Variants in PRRG2 observed in about 807,000 individuals in gnomAD.
PRRG2 encodes the protein proline rich and Gla domain 2, also known as transmembrane gamma-carboxyglutamic acid protein 2.
Under a neutral mutation model 27.1 loss-of-function variants are expected in PRRG2, and 23 were observed. The ratio of observed to expected loss-of-function variants is 0.85; its 90% CI spans 0.61 to 1.20. The LOEUF (loss-of-function observed/expected upper bound fraction) is 1.20, where lower values mean the gene tolerates loss of function less well. PRRG2 is among the 50% of genes most tolerant of loss of function. The pLI, the probability that PRRG2 is intolerant of heterozygous loss-of-function variation, is 0.00. For missense variants in PRRG2, 276 were observed against 254.8 expected (o/e 1.08, Z -0.57); for synonymous variants, 104 against 103.4 (o/e 1.01, Z -0.03).
chr19:49,588,806 G>T (rs2080692034), intron 5 of PRRG2, among the ~76,000 whole-genome samples, 174 bp downstream of exon 5: 1 of 152,196 alleles, frequency 6.6e-6, no homozygotes, highest in Non-Finnish European at 1.5e-5. Context: ...TTTGGCGACT[G>T]TCGCTCTGTC....
At chr19:49,586,893 T>C (rs2080674541) in intron 4 of PRRG2, among the ~76,000 whole-genome samples, 1 of 152,182 alleles carries the variant, frequency 6.6e-6, no homozygotes, top group South Asian at 2.1e-4. Context: ...GGCTCAGTGA[T>C]GGCTCATGCC....
Position 49,583,294 on chromosome 19 carries a change from G to A in PRRG2, c.75G>A (p.Glu25=). The A allele has an allele frequency of 6.2e-7, 1 of 1,614,108 alleles. No individual in the cohort carries two copies. Among genetic ancestry groups the A allele is most frequent in the East Asian group, 2.2e-5 (1 of 44,888 alleles). Residue 25 remains glutamate, a synonymous_variant, in exon 2 of 7, where the codon GAG becomes GAA. Coordinates refer to ENST00000246794, the MANE Select transcript of PRRG2 (RefSeq NM_000951.3). ...TTCLDTSPSE[E]TDQEVFLGPP... is the part of the protein sequence containing the mutation. ...GCCTGGATACTTCACCCAGTGAGGAGACAGACCAAGGTGAGTGTTTGGGGG... is the reference window on the plus strand; with the variant it reads ...GCCTGGATACTTCACCCAGTGAGGAAACAGACCAAGGTGAGTGTTTGGGGG...
chr19:49,581,239 C>G (rs1182055885), upstream of PRRG2: 1 of 152,164 alleles, frequency 6.6e-6, no homozygotes, highest in Non-Finnish European at 1.5e-5. Context: ...GGAGCTCTGG[C>G]CTTTAAGTCC....
rs763555009 is a variant in PRRG2 at position 49,590,042 on chromosome 19, C to T, written c.580C>T (p.Pro194Ser). The T allele has an allele frequency of 1.0e-4, 159 of 1,521,852 alleles. 2 individuals carry two copies. Among genetic ancestry groups the T allele is most frequent in the Admixed American group, 7.2e-4 (36 of 49,750 alleles). The allele number at this position is 1,521,852 out of a possible 1,614,324, so 94.3% of individuals were successfully genotyped here. The change falls in exon 6 of 7, where the codon CCC becomes TCC. Residue 194 changes from proline to serine, a missense_variant. Pro to Ser is a moderately conservative substitution (Grantham distance 74, BLOSUM62 -1). Coordinates refer to ENST00000246794, the MANE Select transcript of PRRG2 (RefSeq NM_000951.3). ...ASGVHDAPPP[P>S]YTSLRRPH ...TGGGGTACACGACGCACCTCCACCC[C>T]CCTACACCAGGTATGGGGCGTGGCT...
At chr19:49,580,883 T>C (rs2080617243), upstream of PRRG2, among the ~76,000 whole-genome samples, 1 of 152,160 alleles carries the variant, frequency 6.6e-6, no homozygotes, top group Non-Finnish European at 1.5e-5. Flanking sequence ...GAAGCCCACT[T>C]TCCCAAATAT....
chr19:49,590,782 G>C lies in PRRG2; in HGVS notation c.*393G>C, dbSNP rs983172331. On this transcript the variant is annotated 3_prime_UTR_variant, in exon 7 of 7. Transcript: ENST00000246794. ...ACAGGGTACGCACACGCAGAGCCCC[G>C]CCTGTGCACACGCGTGTCTTCGTGC... 5.6e-5 allele frequency: 16 copies of C among 287,506 alleles called. 1 individual carries two copies. The highest frequency in any genetic ancestry group is 1.1e-4 in the South Asian group (3 of 27,374). The allele number at this position is 287,506 out of a possible 1,614,324, so 17.8% of individuals were successfully genotyped here.
At chr19:49,585,285 C>T (rs939679755) in intron 4 of PRRG2, among the ~76,000 whole-genome samples, 2 of 152,330 alleles carry the variant, frequency 1.3e-5, no homozygotes, top group South Asian at 2.1e-4. Flanking sequence ...GCCCCACCCC[C>T]TTGTGGCCCG....
intron 3 of PRRG2, 64 bp from the exon 4 acceptor site, chr19:49,583,849 G>T (rs2080648043): frequency 6.2e-7 from 1 of 1,604,432 alleles, no homozygotes; most frequent in African/African-American, 1.3e-5. Flanking sequence ...GCTAGTTTGG[G>T]GGTGTGAACC....
Position 49,583,656 on chromosome 19 carries a change from G to A in PRRG2, c.200G>A (p.Cys67Tyr), listed in dbSNP as rs2080646079. ...ACACCAGGGAACCTGGAACGGGAGTGTCTGGAAGAGAGGTGTTCCTGGGAA... is the reference window on the plus strand; with the variant it reads ...ACACCAGGGAACCTGGAACGGGAGTATCTGGAAGAGAGGTGTTCCTGGGAA... ...LLTPGNLERE[C>Y]LEERCSWEEA... Residue 67 changes from cysteine (C) to tyrosine (Y), a missense_variant, in exon 3 of 7, where the codon TGT (cysteine) becomes TAT (tyrosine). Cys to Tyr is a radical substitution (Grantham distance 194). Coordinates refer to ENST00000246794, the MANE Select transcript of PRRG2 (RefSeq NM_000951.3). The A allele has an allele frequency of 6.2e-6, 10 of 1,614,208 alleles. No individual in the cohort carries two copies. Among genetic ancestry groups the A allele is most frequent in the Non-Finnish European group, 8.5e-6 (10 of 1,180,036 alleles).
intron 4 of PRRG2, among the ~76,000 whole-genome samples, chr19:49,585,972 G>A (rs2080665790): frequency 6.6e-6 from 1 of 150,558 alleles, no homozygotes; most frequent in Admixed American, 6.6e-5. Flanking sequence ...CCCAGCTATT[G>A]GGGAGGCTGA....
intron 4 of PRRG2, among the ~76,000 whole-genome samples, chr19:49,586,092 A>C (rs1239938574): frequency 1.8e-4 from 27 of 151,254 alleles, no homozygotes; most frequent in African/African-American, 4.9e-4. Context: ...AAAAAAAAAA[A>C]AAAAACAAGG....
chr19:49,586,521 A>C (rs2080671167), intron 4 of PRRG2, among the ~76,000 whole-genome samples: 1 of 151,052 alleles, frequency 6.6e-6, no homozygotes. Context: ...AGTAGCTGGG[A>C]CTACAGGTAC....
intron 1 of PRRG2, among the ~76,000 whole-genome samples, chr19:49,582,760 C>T (rs929491600): frequency 6.6e-6 from 1 of 151,558 alleles, no homozygotes; most frequent in East Asian, 2.0e-4. Context: ...CCCAGCTACT[C>T]GGGAGGCTGA....
At chr19:49,585,180 T>C (rs1423257753) in intron 4 of PRRG2, among the ~76,000 whole-genome samples, 1 of 152,164 alleles carries the variant, frequency 6.6e-6, no homozygotes, top group Non-Finnish European at 1.5e-5. Flanking sequence ...GCTGCCTGGT[T>C]GCTAAGGAGG....
At chr19:49,589,123 CTTT>C (rs778928178) in intron 5 of PRRG2, among the ~76,000 whole-genome samples, 12 of 106,060 alleles carry the variant, frequency 1.1e-4, no homozygotes, top group South Asian at 3.4e-4. Flanking sequence ...ACAGGGCTGT[CTTT>C]TTTTTTTTTT....
chr19:49,586,162 G>A (rs1245620958), intron 4 of PRRG2, among the ~76,000 whole-genome samples: 3 of 150,912 alleles, frequency 2.0e-5, no homozygotes, highest in African/African-American at 7.3e-5. Flanking sequence ...ACTCACTGCA[G>A]CCTCGACCTC....
rs542531982 is a variant in PRRG2 at position 49,582,791 on chromosome 19, C to G, written c.-13-416C>G. 3.3e-5 allele frequency among the ~76,000 whole-genome samples: 5 copies of G among 152,084 alleles called. No individual in the cohort carries two copies. In the East Asian group the frequency reaches 9.7e-4, roughly 29 times the overall value. On this transcript the variant is annotated intron_variant, in intron 1 of 6. Coordinates refer to ENST00000246794, the MANE Select transcript of PRRG2 (RefSeq NM_000951.3). Reference sequence around the variant, plus strand: ...GCTGAGGCAGGAGAATGGCATGAACCTGGGGGGTGGAGTGTGCAGTGAGCG... The same window carrying G: ...GCTGAGGCAGGAGAATGGCATGAACGTGGGGGGTGGAGTGTGCAGTGAGCG...
intron 6 of PRRG2, 148 bp downstream of exon 6, chr19:49,590,200 T>G: frequency 7.1e-7 from 1 of 1,407,700 alleles, no homozygotes; most frequent in Non-Finnish European, 9.8e-7. Context: ...CATGCAATGG[T>G]CTAGGGGCGT....
intron 1 of PRRG2, among the ~76,000 whole-genome samples, chr19:49,582,582 C>T (rs1403853139): frequency 2.0e-5 from 3 of 151,962 alleles, no homozygotes; most frequent in Admixed American, 6.6e-5. Context: ...GCCTGGCCAA[C>T]ATGGTGAAAC....
Sources: gnomAD v4.1 joint callset for allele counts (sites outside exome capture counted in the v4.1 genomes callset) on GRCh38, gnomAD v4.1.1 for gene constraint, MANE v1.5 for transcripts, NCBI Gene and HGNC (gene_info 2026-07-23, HGNC 2026-07-21) for gene names.